The following WWOX variants were observed in gnomAD, a reference collection of about 807,000 sequenced individuals.
WWOX encodes WW domain containing oxidoreductase.
A neutral mutation model predicts 46.2 loss-of-function variants in WWOX; 69 were observed. That is an observed-to-expected ratio of 1.49 (90% CI 1.23 to 1.82). WWOX has a LOEUF of 1.82. Among genes scored for constraint, WWOX ranks in the 40% most tolerant of loss-of-function variants. WWOX has a pLI of 0.00. For missense variants in WWOX, 919 were observed against 542.6 expected (o/e 1.69, Z -6.89); for synonymous variants, 359 against 202.6 (o/e 1.77, Z -6.56).
intron 8 of WWOX, among the ~76,000 whole-genome samples, chr16:78,997,648 T>G (rs768792761): frequency 1.3e-4 from 20 of 152,114 alleles, no homozygotes; most frequent in Non-Finnish European, 2.1e-4. Flanking sequence ...AGTATTTATT[T>G]CCTCCCTCCC....
At chr16:78,554,300 A>T (rs78674499) in intron 8 of WWOX, among the ~76,000 whole-genome samples, 15,791 of 152,144 alleles carry the variant, frequency 0.1, 1,018 homozygotes, top group Non-Finnish European at 0.14. Flanking sequence ...TAATATGCCT[A>T]GTGTTCCATT....
intron 8 of WWOX, among the ~76,000 whole-genome samples, chr16:79,087,832 T>C (rs1193239431): frequency 6.6e-6 from 1 of 152,166 alleles, no homozygotes; most frequent in Non-Finnish European, 1.5e-5. Context: ...TGTGAGCATG[T>C]ATGCTCAAGG....
chr16:78,766,398 C>T (rs915352613), intron 8 of WWOX, among the ~76,000 whole-genome samples: 2 of 152,158 alleles, frequency 1.3e-5, no homozygotes, highest in African/African-American at 4.8e-5. Flanking sequence ...GCTTCAAAAC[C>T]AGCCTGGGCA....
chr16:78,525,821 G>C (rs1440646325), intron 8 of WWOX: 2 of 140,054 alleles, frequency 1.4e-5, no homozygotes, highest in African/African-American at 2.6e-5. Context: ...CTCACTAGAA[G>C]TTTCAGAAAG....
chr16:78,253,433 A>T (rs933504521), intron 5 of WWOX, among the ~76,000 whole-genome samples: 1 of 152,190 alleles, frequency 6.6e-6, no homozygotes, highest in African/African-American at 2.4e-5. Context: ...TGTTCGCTTT[A>T]TAGCTGAAAC....
chr16:78,499,696 C>A (rs1168500567), intron 8 of WWOX, among the ~76,000 whole-genome samples: 2 of 152,150 alleles, frequency 1.3e-5, no homozygotes, highest in Non-Finnish European at 1.5e-5. Flanking sequence ...AGGATAAGAA[C>A]CATGTCTTAT....
rs79964871 is a variant in WWOX, at chr16:78,850,668, C to G, written c.1057-360940C>G. On this transcript the variant is annotated intron_variant, in intron 8 of 8. Coordinates refer to ENST00000566780, the MANE Select transcript of WWOX (RefSeq NM_016373.4). ...GTTGAAGCTTTATGTAATGACGAGCCTCATCCAGGACCTACTTGTGTCTCT... is the reference window on the plus strand; with the variant it reads ...GTTGAAGCTTTATGTAATGACGAGCGTCATCCAGGACCTACTTGTGTCTCT... Among the ~76,000 whole-genome samples the G allele has an allele frequency of 9.8e-3, 1,486 of 152,250 alleles. 27 individuals carry two copies. Among genetic ancestry groups the G allele is most frequent in the African/African-American group, 0.034 (1,420 of 41,542 alleles).
At chr16:78,589,887 G>T (rs998837702) in intron 8 of WWOX, among the ~76,000 whole-genome samples, 10 of 152,284 alleles carry the variant, frequency 6.6e-5, no homozygotes, top group Non-Finnish European at 1.2e-4. Flanking sequence ...GAAAACTCCA[G>T]GGGAAGAGGG....
chr16:79,101,126 T>C (rs922809760), intron 8 of WWOX: 2 of 152,232 alleles, frequency 1.3e-5, no homozygotes, highest in African/African-American at 4.8e-5. Flanking sequence ...TATTTTGCAT[T>C]CTGTACAGGA....
At chr16:78,727,420 G>A (rs147008535) in intron 8 of WWOX, among the ~76,000 whole-genome samples, 69 of 152,222 alleles carry the variant, frequency 4.5e-4, no homozygotes, top group African/African-American at 1.6e-3. Context: ...CCTCATCAGC[G>A]TGCCTTTGAC....
At chr16:78,379,468 C>T (rs533342059) in intron 5 of WWOX, among the ~76,000 whole-genome samples, 72 of 152,238 alleles carry the variant, frequency 4.7e-4, no homozygotes, top group African/African-American at 1.6e-3. Flanking sequence ...GCCACTGTAC[C>T]GACGTGTTCC....
intron 8 of WWOX, among the ~76,000 whole-genome samples, chr16:79,128,353 G>T (rs1214602147): frequency 6.7e-6 from 1 of 149,772 alleles, no homozygotes; most frequent in South Asian, 2.1e-4. Context: ...AAAAAAATAG[G>T]TCTTAGAAGT....
intron 4 of WWOX, among the ~76,000 whole-genome samples, chr16:78,126,318 G>C (rs546321548): frequency 1.3e-5 from 2 of 152,270 alleles, no homozygotes; most frequent in East Asian, 3.9e-4. Flanking sequence ...ATCTTGATTT[G>C]TTTTGTCAAA....
At position 79,212,167 on chromosome 16, in the gene WWOX, CCACCACTGCAGCCGGGGG is replaced by C; in HGVS notation, c.*373_*390del. 2 of 1,486,918 alleles carry C rather than the reference CCACCACTGCAGCCGGGGG, an allele frequency of 1.3e-6. No homozygotes were observed. Among genetic ancestry groups the C allele is most frequent in the African/African-American group, 3.1e-5 (2 of 65,486 alleles). 92.1% of individuals were successfully genotyped at this position (1,486,918 alleles called of 1,614,324 possible). ...TCGTCCCATCCAGCTACCACCACGG[CCACCACTGCAGCCGGGGG>C]CTGGCCTTCTCCTACTTAGGGAAGA... On this transcript the variant is annotated 3_prime_UTR_variant, in exon 9 of 9. Coordinates refer to ENST00000566780, the MANE Select transcript of WWOX (RefSeq NM_016373.4).
At chr16:78,563,753 C>G (rs1172032694) in intron 8 of WWOX, among the ~76,000 whole-genome samples, 1 of 152,028 alleles carries the variant, frequency 6.6e-6, no homozygotes, top group South Asian at 2.1e-4. Context: ...TCCACAGATA[C>G]CAATAATTAA....
intron 8 of WWOX, chr16:79,017,336 A>G (rs1378173518): frequency 6.8e-6 from 1 of 147,516 alleles, no homozygotes; most frequent in Non-Finnish European, 1.5e-5. Context: ...AGGCTGAAGC[A>G]GGAGAATAGC....
chr16:78,926,870 T>C (rs1286108750), intron 8 of WWOX, among the ~76,000 whole-genome samples: 2 of 152,132 alleles, frequency 1.3e-5, no homozygotes, highest in Admixed American at 6.5e-5. Flanking sequence ...GATGAAGGCT[T>C]ACTGCAGCCT....
intron 5 of WWOX, among the ~76,000 whole-genome samples, chr16:78,190,864 T>C (rs529363010): frequency 1.3e-5 from 2 of 152,328 alleles, no homozygotes; most frequent in East Asian, 3.9e-4. Flanking sequence ...GGGTTCGCTA[T>C]ACTTTAGTTC....
At chr16:78,432,399 C>G (rs758879513) in intron 7 of WWOX, 89 bp from the exon 8 acceptor site, 6 of 1,555,480 alleles carry the variant, frequency 3.9e-6, no homozygotes, top group Non-Finnish European at 4.4e-6. Flanking sequence ...AGCCACTGCA[C>G]CCAGCATTCC....
Sources: gnomAD v4.1 joint callset for allele counts (sites outside exome capture counted in the v4.1 genomes callset) on GRCh38, gnomAD v4.1.1 for gene constraint, MANE v1.5 for transcripts, NCBI Gene and HGNC (gene_info 2026-07-23, HGNC 2026-07-21) for gene names.